The following NRXN1 variants were observed in gnomAD, a reference collection of about 807,000 sequenced individuals.
NRXN1 encodes the protein neurexin 1.
A neutral mutation model predicts 150.9 loss-of-function variants in NRXN1; 39 were observed. The observed-to-expected ratio is 0.26, with a 90% CI of 0.20 to 0.34. NRXN1 has a LOEUF of 0.34. Among genes scored for constraint, NRXN1 ranks in the 10% least tolerant of loss-of-function variants. The pLI, the probability that NRXN1 is intolerant of heterozygous loss-of-function variation, is 1.00. For synonymous variants in NRXN1, 924 were observed against 757.0 expected, an observed-to-expected ratio of 1.22 and a Z score of -3.62; for missense variants, 1,815 against 1,949.9, an observed-to-expected ratio of 0.93 and a Z score of 1.30.
At chr2:51,027,148 A>G (rs1670622001) in intron 2 of NRXN1, among the ~76,000 whole-genome samples, 1 of 152,218 alleles carries the variant, frequency 6.6e-6, no homozygotes, top group Admixed American at 6.5e-5. Context: ...TGGTAGAGAC[A>G]AGTACAGTGG....
chr2:50,295,736 G>A (rs1337930639), intron 17 of NRXN1, among the ~76,000 whole-genome samples: 2 of 152,206 alleles, frequency 1.3e-5, no homozygotes, highest in African/African-American at 2.4e-5. Flanking sequence ...AAATTTCAAT[G>A]AGGATGAAGA....
intron 5 of NRXN1, among the ~76,000 whole-genome samples, chr2:50,679,995 A>G (rs752265593): frequency 2.8e-4 from 41 of 148,626 alleles, no homozygotes; most frequent in Non-Finnish European, 5.2e-4. Flanking sequence ...AGCTGGGCAT[A>G]GTGGTGTGCG....
chr2:50,324,299 G>A (rs1354139587), intron 17 of NRXN1, among the ~76,000 whole-genome samples: 1 of 152,160 alleles, frequency 6.6e-6, no homozygotes, highest in Non-Finnish European at 1.5e-5. Context: ...CATGGCAAGA[G>A]AGAGAAAAAT....
chr2:50,449,596 C>G (rs1052662099), intron 17 of NRXN1, among the ~76,000 whole-genome samples: 1 of 152,162 alleles, frequency 6.6e-6, no homozygotes, highest in Admixed American at 6.5e-5. Context: ...GCTGCTGATG[C>G]TCCTGGTCCT....
chr2:50,351,266 TGTAA>T (rs2078392534), intron 17 of NRXN1, among the ~76,000 whole-genome samples: 1 of 152,206 alleles, frequency 6.6e-6, no homozygotes, highest in African/African-American at 2.4e-5. Context: ...GACAGTGCGA[TGTAA>T]GTGTTTCTTA....
intron 2 of NRXN1, among the ~76,000 whole-genome samples, chr2:50,997,224 A>C (rs1699433515): frequency 6.6e-6 from 1 of 151,992 alleles, no homozygotes; most frequent in South Asian, 2.1e-4. Flanking sequence ...ACTTGAGCCC[A>C]GGAGTTTGAG....
chr2:50,777,397 C>T (rs569545330), intron 5 of NRXN1, among the ~76,000 whole-genome samples: 114 of 152,176 alleles, frequency 7.5e-4, no homozygotes, highest in African/African-American at 2.5e-3. Context: ...CCAGGGCTAG[C>T]AAGGGAGTCT....
intron 5 of NRXN1, among the ~76,000 whole-genome samples, chr2:50,748,863 T>G (rs1700275839): frequency 6.6e-6 from 1 of 152,120 alleles, no homozygotes; most frequent in Non-Finnish European, 1.5e-5. Flanking sequence ...AGATAACAAC[T>G]ACTGTCAGTG....
Position 50,347,672 on chromosome 2 carries a change from G to T in NRXN1, c.3365-110702C>A. The T allele has an allele frequency of 4.1e-6, 4 of 986,968 alleles. No homozygotes were observed. Among genetic ancestry groups the T allele is most frequent in the Non-Finnish European group, 4.8e-6 (4 of 830,946 alleles). The allele number at this position is 986,968 out of a possible 1,614,324, so 61.1% of individuals were successfully genotyped here. A position where few individuals can be genotyped will look rare whatever the true frequency, so the allele number is the denominator to read the frequency against. ...CGCCCTTCTGAAGGAAGTGGGAATC[G>T]AACGGCGGAAAGGCAGCTGAGAAGA... On this transcript the variant is annotated intron_variant, in intron 17 of 22. Coordinates refer to ENST00000401669, the MANE Select transcript of NRXN1 (RefSeq NM_001330078.2). This position sits in a 1 kb window ranked among gnomAD's most constrained non-coding sequence, Gnocchi z 4.9.
chr2:50,163,927 G>C (rs1040438369), intron 18 of NRXN1, among the ~76,000 whole-genome samples: 1 of 152,118 alleles, frequency 6.6e-6, no homozygotes, highest in African/African-American at 2.4e-5. Flanking sequence ...AGTACACAGA[G>C]CTTGAAGGAG....
chr2:50,490,202 C>A (rs1392203926), intron 15 of NRXN1, among the ~76,000 whole-genome samples: 1 of 152,182 alleles, frequency 6.6e-6, no homozygotes, highest in African/African-American at 2.4e-5. Flanking sequence ...CCCTGAACCT[C>A]GGCTCATCCA....
At chr2:50,957,429 T>C (rs745368822) in intron 2 of NRXN1, among the ~76,000 whole-genome samples, 4 of 152,134 alleles carry the variant, frequency 2.6e-5, no homozygotes, top group Non-Finnish European at 4.4e-5. Context: ...GGAGTGGATA[T>C]TACCGGCATT....
At chr2:50,664,396 CGTGTGTGTGTGT>C (rs35702112) in intron 5 of NRXN1, among the ~76,000 whole-genome samples, 3,727 of 108,056 alleles carry the variant, frequency 0.034, 216 homozygotes, top group African/African-American at 0.12. Flanking sequence ...AAGTTTAAAG[CGTGTGTGTGTGT>C]GTGTGTGTGT....
intron 19 of NRXN1, among the ~76,000 whole-genome samples, chr2:50,062,553 T>A (rs1377916383): frequency 2.0e-5 from 3 of 152,108 alleles, no homozygotes; most frequent in African/African-American, 2.4e-5. Flanking sequence ...ATTTATTCTA[T>A]ATGAACAAGC....
At chr2:50,884,823 TA>T (rs199732354) in intron 5 of NRXN1, among the ~76,000 whole-genome samples, 25,511 of 150,556 alleles carry the variant, frequency 0.17, 2,496 homozygotes, top group Non-Finnish European at 0.22. Flanking sequence ...TACTGTTTTT[TA>T]AAAAAAAAAT....
At chr2:51,005,433 G>A (rs1298407811) in intron 2 of NRXN1, among the ~76,000 whole-genome samples, 1 of 151,876 alleles carries the variant, frequency 6.6e-6, no homozygotes, top group Non-Finnish European at 1.5e-5. Context: ...GGAACATTCA[G>A]TATTACACAC....
At chr2:50,507,818 G>C (rs373788092) in intron 12 of NRXN1, among the ~76,000 whole-genome samples, 2 of 151,918 alleles carry the variant, frequency 1.3e-5, no homozygotes, top group East Asian at 3.9e-4. Flanking sequence ...AAACATGCTG[G>C]TACATTAAAA....
chr2:50,400,294 T>C (rs576321667), intron 17 of NRXN1, among the ~76,000 whole-genome samples: 23 of 152,226 alleles, frequency 1.5e-4, no homozygotes, highest in African/African-American at 5.5e-4. Flanking sequence ...ATGGAAAACA[T>C]AGCAGAACAG....
intron 19 of NRXN1, among the ~76,000 whole-genome samples, chr2:50,090,467 T>C (rs190417209): frequency 4.7e-4 from 71 of 152,178 alleles, no homozygotes; most frequent in East Asian, 3.1e-3. Flanking sequence ...AAGAGAGAAA[T>C]GAGACTGATG....
Sources: allele counts gnomAD v4.1 joint callset (sites outside exome capture counted in the v4.1 genomes callset), GRCh38; gene constraint gnomAD v4.1.1; non-coding constraint Gnocchi (gnomAD v3.1); transcripts MANE v1.5; gene names NCBI Gene and HGNC (gene_info 2026-07-23, HGNC 2026-07-21).